LRRIQ4: variants seen among roughly 807,000 people sequenced by gnomAD.
LRRIQ4 encodes leucine-rich repeat and IQ domain-containing protein 4.
A neutral mutation model predicts 40.1 loss-of-function variants in LRRIQ4; 21 were observed. The ratio of observed to expected loss-of-function variants is 0.52; its 90% CI spans 0.37 to 0.75. LRRIQ4 has a LOEUF of 0.75. Ranked by LOEUF, LRRIQ4 falls within the 30% of genes least tolerant of loss-of-function variation. The pLI is 0.00. For missense variants in LRRIQ4, 655 were observed against 660.0 expected (o/e 0.99, Z 0.08); for synonymous variants, 277 against 277.1 (o/e 1.00, Z 0.00).
chr3:169,837,705 T>C lies in LRRIQ4; in HGVS notation c.*74T>C. On this transcript the variant is annotated 3_prime_UTR_variant, in exon 6 of 6. Coordinates refer to ENST00000340806, the MANE Select transcript of LRRIQ4 (RefSeq NM_001080460.3). ...ACAAAATATCTAGGAATTAGATGCCTACTACATTAAAATTATTCATAAAAT... is the reference window on the plus strand; with the variant it reads ...ACAAAATATCTAGGAATTAGATGCCCACTACATTAAAATTATTCATAAAAT... 1 of 1,138,344 alleles carries C rather than the reference T, an allele frequency of 8.8e-7. No homozygotes were observed. The highest frequency in any genetic ancestry group is 1.7e-5 in the South Asian group (1 of 58,830). 70.5% of individuals were successfully genotyped at this position (1,138,344 alleles called of 1,614,324 possible). A position where few individuals can be genotyped will look rare whatever the true frequency, so the allele number is the denominator to read the frequency against.
intron 4 of LRRIQ4, among the ~76,000 whole-genome samples, chr3:169,831,525 A>C (rs552026876): frequency 8.6e-6 from 1 of 116,544 alleles, no homozygotes; most frequent in Non-Finnish European, 1.6e-5. Context: ...GATGGTCTTG[A>C]TCTCCTGACC....
intron 1 of LRRIQ4, among the ~76,000 whole-genome samples, chr3:169,821,485 T>A (rs112956713): frequency 2.3e-4 from 19 of 82,010 alleles, no homozygotes; most frequent in African/African-American, 7.6e-4. Context: ...TACAAAAAAA[T>A]TTAGCTGGGC....
At chr3:169,835,074 A>G (rs978040686) in intron 5 of LRRIQ4, among the ~76,000 whole-genome samples, 20 of 152,178 alleles carry the variant, frequency 1.3e-4, no homozygotes, top group Non-Finnish European at 2.8e-4. Context: ...CATTTTACAG[A>G]TGAAAGCCTT....
rs1376509860 is a variant in LRRIQ4, at chr3:169,822,621, A to T, written c.700A>T (p.Ser234Cys). 6.2e-6 allele frequency: 10 copies of T among 1,613,874 alleles called. No homozygotes were observed. The highest frequency in any genetic ancestry group is 8.5e-6 in the Non-Finnish European group (10 of 1,179,904). The change falls in exon 2 of 6, where the codon AGC (serine) becomes TGC (cysteine). Residue 234 changes from serine to cysteine, a missense_variant. Ser to Cys is a moderately radical substitution (Grantham distance 112, BLOSUM62 -1). Coordinates refer to ENST00000340806, the MANE Select transcript of LRRIQ4 (RefSeq NM_001080460.3). ...TCTGCCCGCGTCCTTGTGCCAGTGT[A>T]GCCAACTGTCGGTGCTCGATTTATC... The part of the protein sequence containing the change: ...PVLPASLCQC[S>C]QLSVLDLSHN...
intron 3 of LRRIQ4, among the ~76,000 whole-genome samples, chr3:169,829,574 T>C (rs550455778): frequency 3.3e-5 from 5 of 151,842 alleles, no homozygotes; most frequent in Admixed American, 6.6e-5. Flanking sequence ...GTGCAATGGC[T>C]CACTGCAACC....
intron 5 of LRRIQ4, among the ~76,000 whole-genome samples, chr3:169,835,395 T>TGTCC (rs71634446): frequency 1.3e-5 from 2 of 151,738 alleles, no homozygotes; most frequent in African/African-American, 4.8e-5. Flanking sequence ...TGTGTGTGTG[T>TGTCC]CCTAATGATT....
At chr3:169,819,129 G>A (rs1197687320) in intron 1 of LRRIQ4, among the ~76,000 whole-genome samples, 4 of 152,138 alleles carry the variant, frequency 2.6e-5, no homozygotes, top group Non-Finnish European at 5.9e-5. Context: ...AAGTAAATTT[G>A]ATCACATTTG....
intron 5 of LRRIQ4, among the ~76,000 whole-genome samples, chr3:169,836,570 G>T (rs1576773674): frequency 2.0e-5 from 3 of 152,232 alleles, no homozygotes; most frequent in South Asian, 4.1e-4. Context: ...TCATCATGAG[G>T]ACCCTGCTGT....
chr3:169,823,577 A>G (rs1164327952), intron 2 of LRRIQ4, among the ~76,000 whole-genome samples: 1 of 151,956 alleles, frequency 6.6e-6, no homozygotes, highest in African/African-American at 2.4e-5. Context: ...CGAACTCCTG[A>G]CCTTGTGTTC....
intron 2 of LRRIQ4, among the ~76,000 whole-genome samples, chr3:169,826,426 C>A (rs904569356): frequency 1.3e-5 from 2 of 151,476 alleles, no homozygotes; most frequent in Non-Finnish European, 2.9e-5. Flanking sequence ...AAGGAAAAAA[C>A]CAAAACAATG....
intron 2 of LRRIQ4, among the ~76,000 whole-genome samples, chr3:169,828,272 G>A (rs567482441): frequency 3.0e-3 from 458 of 150,710 alleles, no homozygotes; most frequent in African/African-American, 0.011. Flanking sequence ...TCGCTCTGTC[G>A]CCCAGGCTGG....
intron 1 of LRRIQ4, among the ~76,000 whole-genome samples, chr3:169,814,970 C>A (rs1277665420): frequency 6.6e-6 from 1 of 152,158 alleles, no homozygotes; most frequent in East Asian, 1.9e-4. Flanking sequence ...TATCTGGGTT[C>A]TCTATTCTGT....
At chr3:169,835,364 CTGTGTGTGTGTG>C (rs149888477) in intron 5 of LRRIQ4, among the ~76,000 whole-genome samples, 3 of 146,398 alleles carry the variant, frequency 2.0e-5, no homozygotes, top group Non-Finnish European at 3.0e-5. Flanking sequence ...TTGTCTTTTT[CTGTGTGTGTGTG>C]TGTGTGTGTG....
Position 169,832,990 on chromosome 3 carries a change from T to A in LRRIQ4, c.1337T>A (p.Leu446Ter). ...LPDAICQAQA[L>*]KELRLEDNLL... ...CATTACGAAAAAATCTTTTCAGCTTTGAAAGAATTACGGCTGGAGGACAAC... is the reference window on the plus strand; with the variant it reads ...CATTACGAAAAAATCTTTTCAGCTTAGAAAGAATTACGGCTGGAGGACAAC... Residue 446 changes from leucine to a stop codon, truncating the protein, a stop_gained, in exon 5 of 6, where the codon TTG becomes TAG. Transcript: ENST00000340806. LOFTEE classifies it high-confidence loss of function. The A allele has an allele frequency of 6.2e-7, 1 of 1,608,468 alleles. No homozygotes were observed.
chr3:169,831,976 A>T (rs1026877851), intron 4 of LRRIQ4, among the ~76,000 whole-genome samples: 1 of 150,428 alleles, frequency 6.6e-6, no homozygotes, highest in East Asian at 2.0e-4. Flanking sequence ...AATAAAAGTT[A>T]AAAAATTTAA....
In LRRIQ4 at chr3:169,822,178, T is replaced by C. The variant is rs1343477886; in HGVS notation, c.257T>C (p.Leu86Pro). Residue 86 changes from leucine (L) to proline (P), a missense_variant, in exon 2 of 6, where the codon CTG (leucine) becomes CCG (proline). Physicochemically the swap from Leu to Pro is moderately conservative, Grantham distance 98 (BLOSUM62 -3). Coordinates refer to ENST00000340806, the MANE Select transcript of LRRIQ4 (RefSeq NM_001080460.3). Reference sequence around the variant, plus strand: ...CTGGATAAGAACAACCTGAGGAGCCTGTGCCCGGCGCTGGGGCTGCTGAGC... The same window carrying C: ...CTGGATAAGAACAACCTGAGGAGCCCGTGCCCGGCGCTGGGGCTGCTGAGC... ...LYLDKNNLRS[L>P]CPALGLLSSL... The C allele has an allele frequency of 6.2e-7, 1 of 1,607,752 alleles. No homozygotes were observed. Among genetic ancestry groups the C allele is most frequent in the East Asian group, 2.2e-5 (1 of 44,862 alleles).
At position 169,822,143 on chromosome 3, in the gene LRRIQ4, G is replaced by GGA. The variant is rs1163844364; in HGVS notation, c.223_224insAG (p.Val75GlufsTer10). On this transcript the variant is annotated frameshift_variant, in exon 2 of 6. Coordinates refer to ENST00000340806, the MANE Select transcript of LRRIQ4 (RefSeq NM_001080460.3). LOFTEE classifies it high-confidence loss of function. ...AGATTCAGCGTTTAAAGAACATCAG[G>GGA]GTCCTCTACCTGGATAAGAACAACC... is the stretch of plus-strand genomic sequence containing the variant. 1 of 1,612,978 alleles carries GGA rather than the reference G, an allele frequency of 6.2e-7. No homozygotes were observed. Among genetic ancestry groups the GGA allele is most frequent in the Admixed American group, 1.7e-5 (1 of 59,754 alleles).
At position 169,822,001 on chromosome 3, in the gene LRRIQ4, C is replaced by T; in HGVS notation, c.80C>T (p.Thr27Ile). 6.4e-7 allele frequency: 1 copy of T among 1,571,106 alleles called. No individual in the cohort carries two copies. The highest frequency in any genetic ancestry group is 8.6e-7 in the Non-Finnish European group (1 of 1,163,454). The stretch of plus-strand genomic sequence containing the variant: ...GATCCACAGCACGTCAATGATAGAA[C>T]ATTTTTCATTGATGCCTCTAATCAG... ...RNDPQHVNDR[T>I]FFIDASNQSL... Residue 27 changes from threonine to isoleucine, a missense_variant, in exon 2 of 6, where the codon ACA becomes ATA. By Grantham distance (89) the Thr-to-Ile change is moderately conservative (BLOSUM62 -1). Transcript: ENST00000340806.
At chr3:169,817,748 C>CTCCTG (rs1234717332) in intron 1 of LRRIQ4, among the ~76,000 whole-genome samples, 1 of 152,082 alleles carries the variant, frequency 6.6e-6, no homozygotes, top group Non-Finnish European at 1.5e-5. Flanking sequence ...TGTATAGCTA[C>CTCCTG]TCCTGCTCTT....
Sources: allele counts gnomAD v4.1 joint callset (sites outside exome capture counted in the v4.1 genomes callset), GRCh38; gene constraint gnomAD v4.1.1; transcripts MANE v1.5; gene names NCBI Gene and HGNC (gene_info 2026-07-23, HGNC 2026-07-21).